Variants in TBX20 observed in about 807,000 individuals in gnomAD.
TBX20 encodes T-box transcription factor TBX20.
A neutral mutation model predicts 42.9 loss-of-function variants in TBX20; 8 were observed. That is an observed-to-expected ratio of 0.19 (90% CI 0.11 to 0.34). The LOEUF (loss-of-function observed/expected upper bound fraction) is 0.34. Among genes scored for constraint, TBX20 ranks in the 10% least tolerant of loss-of-function variants. TBX20 has a pLI of 1.00. For missense variants in TBX20, 411 were observed against 566.0 expected, an observed-to-expected ratio of 0.73 and a Z score of 2.78; for synonymous variants, 198 against 222.8, an observed-to-expected ratio of 0.89 and a Z score of 0.99.
chr7:35,221,711 C>A (rs1789687491), intron 6 of TBX20, among the ~76,000 whole-genome samples: 1 of 152,194 alleles, frequency 6.6e-6, no homozygotes, highest in Non-Finnish European at 1.5e-5. Flanking sequence ...CTTCCTCAAC[C>A]AATTACTCAA....
intron 1 of TBX20, among the ~76,000 whole-genome samples, chr7:35,252,239 A>G (rs1307658245): frequency 2.0e-5 from 3 of 152,326 alleles, no homozygotes; most frequent in East Asian, 1.9e-4. Context: ...GTCGCACAAT[A>G]TAACTTTGAA....
chr7:35,220,566 T>G (rs1393102749), intron 6 of TBX20, among the ~76,000 whole-genome samples: 1 of 152,224 alleles, frequency 6.6e-6, no homozygotes, highest in African/African-American at 2.4e-5. Flanking sequence ...ATTTCCACAT[T>G]GGTAAAATGG....
chr7:35,215,490 C>T (rs1196961604), intron 6 of TBX20, among the ~76,000 whole-genome samples: 8 of 152,032 alleles, frequency 5.3e-5, no homozygotes, highest in Non-Finnish European at 1.2e-4. Flanking sequence ...AATGGCTCAC[C>T]GAACAGGTCA....
chr7:35,229,874 G>A (rs1789838299), intron 6 of TBX20, among the ~76,000 whole-genome samples: 1 of 152,116 alleles, frequency 6.6e-6, no homozygotes, highest in African/African-American at 2.4e-5. Flanking sequence ...AACCTCTGAG[G>A]TGAGCAGGGT....
At chr7:35,234,749 T>A (rs1462274833) in intron 5 of TBX20, among the ~76,000 whole-genome samples, 1 of 152,148 alleles carries the variant, frequency 6.6e-6, no homozygotes, top group Non-Finnish European at 1.5e-5. Context: ...TATTTCTATT[T>A]AATCTAATTC....
chr7:35,234,015 T>A (rs1789916323), intron 5 of TBX20, among the ~76,000 whole-genome samples: 1 of 152,170 alleles, frequency 6.6e-6, no homozygotes. Context: ...AACTGTGAGG[T>A]GGAGCAATAA....
rs336282 is a variant in TBX20, at chr7:35,249,273, C to T, written c.381-432G>A. Among the ~76,000 whole-genome samples the T allele has an allele frequency of 0.11, 16,668 of 152,226 alleles. 1,002 individuals are homozygous for T. Among genetic ancestry groups the T allele is most frequent in the East Asian group, 0.21 (1,096 of 5,142 alleles). On this transcript the variant is annotated intron_variant, in intron 2 of 7. Coordinates refer to ENST00000408931, the MANE Select transcript of TBX20 (RefSeq NM_001077653.2). This position sits in a 1 kb window ranked among gnomAD's most constrained non-coding sequence, Gnocchi z 4.3. ...GCTCTTGCAAAATAAAAGCCAAAAGCAGAGGTTTCTGGGAAGGATTTCTCA... is the reference window on the plus strand; with the variant it reads ...GCTCTTGCAAAATAAAAGCCAAAAGTAGAGGTTTCTGGGAAGGATTTCTCA...
chr7:35,202,603 T>A lies in TBX20; in HGVS notation c.1171A>T (p.Ser391Cys). The change falls in exon 8 of 8, where the codon AGC becomes TGC. Residue 391 changes from serine to cysteine, a missense_variant. Ser to Cys is a moderately radical substitution (Grantham distance 112). Around this residue, in one of 5 missense-constraint regions of TBX20, gnomAD observed 162 missense variants for 205.4 expected, o/e 0.79. Coordinates refer to ENST00000408931, the MANE Select transcript of TBX20 (RefSeq NM_001077653.2). ...HPIQGSLPPY[S>C]RLGMPLTPSA... ...GGTGTCAGAGGCATTCCCAGTCGGC[T>A]ATATGGTGGCAGAGAACCCTGGATG... 6.2e-7 allele frequency: 1 copy of A among 1,613,972 alleles called. No homozygotes were observed.
intron 3 of TBX20, among the ~76,000 whole-genome samples, chr7:35,248,054 T>A (rs566944555): frequency 6.6e-6 from 1 of 152,330 alleles, no homozygotes; most frequent in South Asian, 2.1e-4. Flanking sequence ...ATCCCTAATA[T>A]GTTAACTGAG....
chr7:35,225,536 T>A (rs1318566890), intron 6 of TBX20, among the ~76,000 whole-genome samples: 1 of 152,194 alleles, frequency 6.6e-6, no homozygotes, highest in Non-Finnish European at 1.5e-5. Context: ...ACAGAGCAGC[T>A]CTCATAGGCC....
chr7:35,250,395 C>T (rs1324700171), intron 1 of TBX20, among the ~76,000 whole-genome samples, 192 bp from the exon 2 acceptor site: 1 of 152,220 alleles, frequency 6.6e-6, no homozygotes, highest in Non-Finnish European at 1.5e-5. Context: ...GTAGCATGCC[C>T]AGTGTTTCCT....
intron 6 of TBX20, among the ~76,000 whole-genome samples, chr7:35,209,701 T>A (rs1321885732): frequency 2.0e-5 from 3 of 152,212 alleles, no homozygotes; most frequent in African/African-American, 7.2e-5. Flanking sequence ...CTACTTGCTT[T>A]GGGTCTCATT....
intron 6 of TBX20, among the ~76,000 whole-genome samples, chr7:35,223,651 AG>A (rs1789720919): frequency 6.6e-6 from 1 of 152,212 alleles, no homozygotes. Context: ...AAGGAAGATG[AG>A]GTCTGAGAAC....
At chr7:35,237,116 T>C (rs1166905974) in intron 5 of TBX20, among the ~76,000 whole-genome samples, 1 of 152,200 alleles carries the variant, frequency 6.6e-6, no homozygotes, top group Non-Finnish European at 1.5e-5. Context: ...AAAAACCTCG[T>C]ACTGGTTCTG....
At chr7:35,243,603 T>C (rs938356148) in intron 4 of TBX20, among the ~76,000 whole-genome samples, 2 of 152,042 alleles carry the variant, frequency 1.3e-5, no homozygotes, top group South Asian at 4.1e-4. Context: ...AATTTTAATA[T>C]AAATGACATT....
chr7:35,222,340 G>A (rs748465062), intron 6 of TBX20, among the ~76,000 whole-genome samples: 1 of 152,024 alleles, frequency 6.6e-6, no homozygotes, highest in Non-Finnish European at 1.5e-5. Context: ...GAAAAAACTT[G>A]ATAAATATAA....
chr7:35,240,502 G>A (rs972955821), intron 5 of TBX20, among the ~76,000 whole-genome samples: 1 of 152,160 alleles, frequency 6.6e-6, no homozygotes, highest in Non-Finnish European at 1.5e-5. Flanking sequence ...GATAGAATAG[G>A]TGTGTTTAAT....
chr7:35,251,266 A>T (rs1790299624), intron 1 of TBX20, among the ~76,000 whole-genome samples: 1 of 152,246 alleles, frequency 6.6e-6, no homozygotes, highest in South Asian at 2.1e-4. Flanking sequence ...AGCCAGTTCT[A>T]AATGTATGTA....
At chr7:35,225,769 T>C (rs1451869557) in intron 6 of TBX20, among the ~76,000 whole-genome samples, 1 of 152,212 alleles carries the variant, frequency 6.6e-6, no homozygotes, top group Non-Finnish European at 1.5e-5. Context: ...TCCTGTAACA[T>C]TTATGTAGAA....
Sources: gnomAD v4.1 joint callset for allele counts (sites outside exome capture counted in the v4.1 genomes callset) on GRCh38, gnomAD v4.1.1 for gene constraint, gnomAD v4.1.1 regional missense constraint, Gnocchi (gnomAD v3.1) non-coding constraint, MANE v1.5 for transcripts, NCBI Gene and HGNC (gene_info 2026-07-23, HGNC 2026-07-21) for gene names.